TIAM1: variants seen among roughly 807,000 people sequenced by gnomAD.
The protein encoded by TIAM1 is TIAM Rac1 associated GEF 1.
TIAM1 carries 65 observed loss-of-function variants against 163.5 expected under a neutral mutation model. That is an observed-to-expected ratio of 0.40 (90% CI 0.33 to 0.49). The LOEUF is 0.49. TIAM1 is among the 20% of genes least tolerant of loss of function. The pLI, the probability that TIAM1 is intolerant of heterozygous loss-of-function variation, is 0.77. For missense variants in TIAM1, 1,789 were observed against 2,044.7 expected (o/e 0.87, Z 2.41); for synonymous variants, 833 against 810.1 (o/e 1.03, Z -0.48).
intron 2 of TIAM1, among the ~76,000 whole-genome samples, chr21:31,406,282 T>C (rs1262450011): frequency 6.6e-6 from 1 of 152,106 alleles, no homozygotes. Context: ...AGAACTTTAA[T>C]ACTAGGCCTA....
At chr21:31,243,207 A>AT (rs1257885611) in intron 6 of TIAM1, among the ~76,000 whole-genome samples, 4,083 of 116,860 alleles carry the variant, frequency 0.035, 77 homozygotes, top group East Asian at 0.17. Context: ...AAAAAAAAAA[A>AT]AAATATATAT....
chr21:31,245,906 A>C (rs1404398572), intron 5 of TIAM1, among the ~76,000 whole-genome samples: 2 of 152,110 alleles, frequency 1.3e-5, no homozygotes, highest in African/African-American at 4.8e-5. Context: ...AAGTTCTCTC[A>C]AACCCTTCCT....
At chr21:31,210,615 GAGAAAGAAAGAAAGAA>G (rs776429877) in intron 10 of TIAM1, among the ~76,000 whole-genome samples, 6 of 27,492 alleles carry the variant, frequency 2.2e-4, no homozygotes, top group South Asian at 2.9e-3. Context: ...GGAAGGAAGG[GAGAAAGAAAGAAAGAA>G]AGAAAGAAAG....
rs116332691 is a variant in TIAM1, at chr21:31,240,096, T to C, written c.1584+5392A>G. ...CAACTCAAATGTACCTATGGAATGG[T>C]TGCTATATGTCCCAGTTGGCCTGGG... is the stretch of plus-strand genomic sequence containing the variant. On this transcript the variant is annotated intron_variant, in intron 6 of 27. Coordinates refer to ENST00000541036, the MANE Select transcript of TIAM1 (RefSeq NM_001353694.2). Among the ~76,000 whole-genome samples, 435 of 152,264 alleles carry C rather than the reference T, an allele frequency of 2.9e-3. 6 individuals are homozygous for C. The highest frequency in any genetic ancestry group is 0.01 in the African/African-American group (425 of 41,556).
intron 2 of TIAM1, among the ~76,000 whole-genome samples, chr21:31,301,063 G>A (rs1157685963): frequency 6.6e-6 from 1 of 152,166 alleles, no homozygotes; most frequent in Non-Finnish European, 1.5e-5. Context: ...TGTGAATTTT[G>A]GAGCCGAGTG....
At chr21:31,299,361 C>T (rs569124794) in intron 2 of TIAM1, among the ~76,000 whole-genome samples, 7 of 152,204 alleles carry the variant, frequency 4.6e-5, no homozygotes, top group Non-Finnish European at 8.8e-5. Flanking sequence ...TCTGAGAAGG[C>T]ATTAACTGCT....
chr21:31,487,555 T>TA (rs2046314799), intron 1 of TIAM1, among the ~76,000 whole-genome samples: 1 of 25,238 alleles, frequency 4.0e-5, no homozygotes, highest in Non-Finnish European at 9.5e-5. Flanking sequence ...TTTTTTTGTA[T>TA]TTTTTTTTTT....
At chr21:31,407,928 G>C (rs1385082488) in intron 2 of TIAM1, among the ~76,000 whole-genome samples, 2 of 152,114 alleles carry the variant, frequency 1.3e-5, no homozygotes, top group African/African-American at 4.8e-5. Context: ...GTCAGCCACC[G>C]GGCCCAGCCT....
chr21:31,385,702 C>A, intron 2 of TIAM1, among the ~76,000 whole-genome samples: 1 of 141,092 alleles, frequency 7.1e-6, no homozygotes, highest in South Asian at 2.2e-4. Context: ...AAAAAATATA[C>A]TGCACTGGAA....
intron 16 of TIAM1, among the ~76,000 whole-genome samples, chr21:31,155,042 G>T (rs1372881444): frequency 1.3e-5 from 2 of 152,070 alleles, no homozygotes; most frequent in Non-Finnish European, 2.9e-5. Flanking sequence ...TTCTCCAAAG[G>T]CAAAAAGATA....
At chr21:31,385,841 T>C (rs1245111439) in intron 2 of TIAM1, among the ~76,000 whole-genome samples, 1 of 147,146 alleles carries the variant, frequency 6.8e-6, no homozygotes, top group Non-Finnish European at 1.5e-5. Context: ...ATATTATATA[T>C]TTATATATAA....
chr21:31,260,706 A>G (rs1192985344), intron 4 of TIAM1, among the ~76,000 whole-genome samples: 1 of 151,598 alleles, frequency 6.6e-6, no homozygotes, highest in South Asian at 2.1e-4. Flanking sequence ...AAAAGAAAAA[A>G]AAAAAAGCAT....
intron 14 of TIAM1, among the ~76,000 whole-genome samples, chr21:31,185,814 A>T (rs925171298): frequency 3.3e-5 from 5 of 151,888 alleles, no homozygotes; most frequent in Admixed American, 6.6e-5. Context: ...AGAGACACAC[A>T]CAGGGCAGAA....
chr21:31,421,153 G>GA (rs71193116), intron 2 of TIAM1, among the ~76,000 whole-genome samples: 5,513 of 149,222 alleles, frequency 0.037, 167 homozygotes, highest in East Asian at 0.1. Context: ...GAAAAGAAAA[G>GA]AAAAAAAAAG....
intron 2 of TIAM1, among the ~76,000 whole-genome samples, chr21:31,292,831 G>A (rs1250897864): frequency 2.6e-5 from 4 of 151,908 alleles, no homozygotes; most frequent in Non-Finnish European, 5.9e-5. Context: ...ACCACGCCTG[G>A]CTAATTTTTG....
chr21:31,288,632 TC>T (rs2073904026), intron 2 of TIAM1, among the ~76,000 whole-genome samples: 2 of 152,046 alleles, frequency 1.3e-5, no homozygotes, highest in Non-Finnish European at 2.9e-5. Context: ...GCATAGCAAC[TC>T]CCAAAAAACT....
chr21:31,324,037 T>C (rs1342752922), intron 2 of TIAM1, among the ~76,000 whole-genome samples: 1 of 149,288 alleles, frequency 6.7e-6, no homozygotes. Context: ...AGTGACTTCC[T>C]GGAATTAGCA....
chr21:31,213,016 C>A (rs1024019716), intron 10 of TIAM1: 5 of 179,078 alleles, frequency 2.8e-5, no homozygotes, highest in Non-Finnish European at 5.8e-5. Flanking sequence ...GGGAGCAAAA[C>A]AGCATGTGTG....
At chr21:31,363,948 G>C (rs969019855) in intron 2 of TIAM1, among the ~76,000 whole-genome samples, 1 of 152,162 alleles carries the variant, frequency 6.6e-6, no homozygotes, top group Non-Finnish European at 1.5e-5. Context: ...CTTTAAGAGA[G>C]ATCAGTGGTG....
Sources: gnomAD v4.1 joint callset for allele counts (sites outside exome capture counted in the v4.1 genomes callset) on GRCh38, gnomAD v4.1.1 for gene constraint, MANE v1.5 for transcripts, NCBI Gene and HGNC (gene_info 2026-07-23, HGNC 2026-07-21) for gene names.